The following BANK1 variants were observed in gnomAD, a reference collection of about 807,000 sequenced individuals.
The protein encoded by BANK1 is B-cell scaffold protein with ankyrin repeats.
BANK1 carries 95 observed loss-of-function variants against 94.5 expected under a neutral mutation model. The observed-to-expected ratio is 1.00, with a 90% CI of 0.85 to 1.19. The LOEUF is 1.19. Among genes scored for constraint, BANK1 ranks in the 50% most tolerant of loss-of-function variants. BANK1 has a pLI of 0.00. For missense variants in BANK1, 987 were observed against 932.2 expected, an observed-to-expected ratio of 1.06 and a Z score of -0.77; for synonymous variants, 334 against 308.4, an observed-to-expected ratio of 1.08 and a Z score of -0.87.
chr4:101,886,764 G>T (rs904977888), intron 5 of BANK1, among the ~76,000 whole-genome samples: 5 of 134,280 alleles, frequency 3.7e-5, no homozygotes, highest in South Asian at 2.4e-4. Flanking sequence ...AATATATTGG[G>T]GGGGGGGGCA....
At chr4:102,003,857 T>C (rs1301396715) in intron 7 of BANK1, among the ~76,000 whole-genome samples, 1 of 151,552 alleles carries the variant, frequency 6.6e-6, no homozygotes. Context: ...CTATTTCATA[T>C]TTAAATATAT....
At chr4:101,912,285 T>C (rs772901917) in intron 6 of BANK1, among the ~76,000 whole-genome samples, 13 of 152,186 alleles carry the variant, frequency 8.5e-5, no homozygotes, top group Non-Finnish European at 1.9e-4. Context: ...ACCCATTTGC[T>C]TACTGGATTC....
At chr4:101,936,419 A>G (rs1723557470) in intron 7 of BANK1, among the ~76,000 whole-genome samples, 4 of 150,336 alleles carry the variant, frequency 2.7e-5, no homozygotes, top group Admixed American at 6.6e-5. Context: ...ATGCATGTAT[A>G]CATGCATGTA....
chr4:101,820,110 C>T (rs1726083002), intron 1 of BANK1, among the ~76,000 whole-genome samples: 1 of 152,178 alleles, frequency 6.6e-6, no homozygotes, highest in Non-Finnish European at 1.5e-5. Context: ...TTCTAATAGG[C>T]TGTTAATACT....
intron 2 of BANK1, among the ~76,000 whole-genome samples, chr4:101,844,903 G>A (rs1459355769): frequency 1.3e-5 from 2 of 149,782 alleles, no homozygotes; most frequent in Admixed American, 6.6e-5. Context: ...ACTGGGAAGG[G>A]TCCTTTTTTA....
chr4:101,790,859 C>T lies in BANK1; in HGVS notation c.-22C>T. ...CGCTCGGCGGGCAGCAGTGCGCAGG[C>T]CCCTCGGCTTCAACCGCCACAATGC... On this transcript the variant is annotated 5_prime_UTR_variant, in exon 1 of 17. Transcript: ENST00000322953. The T allele has an allele frequency of 6.5e-7, 1 of 1,536,216 alleles. No individual in the cohort carries two copies. Among genetic ancestry groups the T allele is most frequent in the Non-Finnish European group, 8.7e-7 (1 of 1,145,614 alleles).
intron 7 of BANK1, among the ~76,000 whole-genome samples, chr4:101,994,056 TTC>T (rs1725796429): frequency 6.6e-6 from 1 of 152,254 alleles, no homozygotes; most frequent in African/African-American, 2.4e-5. Context: ...CGCACTGGGC[TTC>T]TGTTTCTTTA....
intron 1 of BANK1, among the ~76,000 whole-genome samples, chr4:101,811,156 G>A (rs1426993734): frequency 6.6e-6 from 1 of 152,106 alleles, no homozygotes; most frequent in Admixed American, 6.5e-5. Context: ...GCTGCTGTGT[G>A]CTTCCATTAA....
chr4:102,063,616 G>T (rs941727328), intron 13 of BANK1, among the ~76,000 whole-genome samples: 2 of 151,686 alleles, frequency 1.3e-5, no homozygotes, highest in African/African-American at 4.8e-5. Context: ...TTGAGGATAG[G>T]AGTTCAAGAC....
chr4:101,822,905 G>T (rs1320480736), intron 1 of BANK1, among the ~76,000 whole-genome samples: 1 of 152,080 alleles, frequency 6.6e-6, no homozygotes, highest in African/African-American at 2.4e-5. Flanking sequence ...ATGAGCCACC[G>T]CGTCTGGCCA....
intron 7 of BANK1, among the ~76,000 whole-genome samples, chr4:101,987,166 T>G (rs933559315): frequency 6.6e-6 from 1 of 151,650 alleles, no homozygotes; most frequent in Non-Finnish European, 1.5e-5. Context: ...ACAAAATTGG[T>G]CCTCAATCCT....
chr4:101,844,690 C>A (rs1727180013), intron 2 of BANK1, among the ~76,000 whole-genome samples: 1 of 152,102 alleles, frequency 6.6e-6, no homozygotes, highest in African/African-American at 2.4e-5. Context: ...AATCATAATT[C>A]TTCTCAGAAG....
At chr4:101,818,890 T>TA (rs1560586645) in intron 1 of BANK1, among the ~76,000 whole-genome samples, 1 of 143,184 alleles carries the variant, frequency 7.0e-6, no homozygotes, top group Non-Finnish European at 1.5e-5. Flanking sequence ...TTTTTTTTTT[T>TA]AGTTTACTGT....
chr4:101,950,018 G>GGTGT (rs6148602), intron 7 of BANK1, among the ~76,000 whole-genome samples: 4,738 of 149,286 alleles, frequency 0.032, 132 homozygotes, highest in South Asian at 0.091. Context: ...GGAAGTAAGG[G>GGTGT]GTGTGTGTGT....
At chr4:101,958,294 A>AT (rs1264782373) in intron 7 of BANK1, among the ~76,000 whole-genome samples, 3 of 152,240 alleles carry the variant, frequency 2.0e-5, no homozygotes, top group Non-Finnish European at 2.9e-5. Flanking sequence ...TTTTATAGAT[A>AT]TTTTTTTAAA....
chr4:101,984,234 C>T (rs1725413566), intron 7 of BANK1, among the ~76,000 whole-genome samples: 1 of 151,798 alleles, frequency 6.6e-6, no homozygotes, highest in Non-Finnish European at 1.5e-5. Context: ...GTTAAGAAAC[C>T]TTTAGTAAAG....
intron 7 of BANK1, among the ~76,000 whole-genome samples, chr4:101,971,286 T>C (rs1724943228): frequency 6.6e-6 from 1 of 152,090 alleles, no homozygotes; most frequent in Non-Finnish European, 1.5e-5. Context: ...AATATTCTAT[T>C]AAGAAAATGT....
intron 7 of BANK1, among the ~76,000 whole-genome samples, chr4:101,921,201 T>C (rs527714995): frequency 6.6e-6 from 1 of 152,042 alleles, no homozygotes; most frequent in African/African-American, 2.4e-5. Flanking sequence ...TATATTTCTA[T>C]AATCCATAAA....
At chr4:101,910,049 T>C (rs961443704) in intron 6 of BANK1, among the ~76,000 whole-genome samples, 16 of 152,180 alleles carry the variant, frequency 1.1e-4, no homozygotes, top group Non-Finnish European at 2.2e-4. Context: ...ATCCACTTTT[T>C]TTTAGTTGTT....
Sources: gnomAD v4.1 joint callset for allele counts (sites outside exome capture counted in the v4.1 genomes callset) on GRCh38, gnomAD v4.1.1 for gene constraint, MANE v1.5 for transcripts, NCBI Gene and HGNC (gene_info 2026-07-23, HGNC 2026-07-21) for gene names.